Variants in MAD1L1 observed in about 807,000 individuals in gnomAD.
MAD1L1 encodes mitotic spindle assembly checkpoint protein MAD1.
MAD1L1 carries 95 observed loss-of-function variants against 96.9 expected under a neutral mutation model. The ratio of observed to expected loss-of-function variants is 0.98; its 90% CI spans 0.83 to 1.16. MAD1L1 has a LOEUF of 1.16. MAD1L1 is among the 50% of genes most tolerant of loss of function. The pLI, the probability that MAD1L1 is intolerant of heterozygous loss-of-function variation, is 0.00. For synonymous variants in MAD1L1, 473 were observed against 396.6 expected (o/e 1.19, Z -2.29); for missense variants, 1,007 against 954.4 (o/e 1.06, Z -0.73).
intron 10 of MAD1L1, among the ~76,000 whole-genome samples, chr7:2,168,261 G>A (rs1184648078): frequency 2.6e-5 from 4 of 151,966 alleles, no homozygotes; most frequent in Admixed American, 2.6e-4. Flanking sequence ...CTCCAACCTG[G>A]GTGACAGAGC....
At chr7:2,121,884 C>T (rs1787999112) in intron 11 of MAD1L1, among the ~76,000 whole-genome samples, 1 of 152,190 alleles carries the variant, frequency 6.6e-6, no homozygotes, top group South Asian at 2.1e-4. Flanking sequence ...GAACACAGAC[C>T]CGTGCAGCAG....
At chr7:2,011,021 G>C (rs530012066) in intron 13 of MAD1L1, among the ~76,000 whole-genome samples, 1 of 152,220 alleles carries the variant, frequency 6.6e-6, no homozygotes, top group Non-Finnish European at 1.5e-5. Context: ...GAAACAGAAA[G>C]AAAAGAAAAA....
chr7:1,847,539 C>T, intron 18 of MAD1L1: 1 of 471,114 alleles, frequency 2.1e-6, no homozygotes, highest in Middle Eastern at 3.2e-4. Context: ...GAGACCAGAC[C>T]AGTCCTGGCA....
intron 15 of MAD1L1, among the ~76,000 whole-genome samples, chr7:1,971,394 A>T (rs1780399538): frequency 6.6e-6 from 1 of 152,162 alleles, no homozygotes; most frequent in African/African-American, 2.4e-5. Flanking sequence ...CTTCATTCTC[A>T]CTAGGTGAAA....
intron 12 of MAD1L1, among the ~76,000 whole-genome samples, chr7:2,046,142 G>T (rs1309991906): frequency 6.6e-6 from 1 of 152,128 alleles, no homozygotes; most frequent in Non-Finnish European, 1.5e-5. Context: ...CCTGGGATGC[G>T]GGTGGTGGCG....
At chr7:1,864,849 G>A (rs1168391210) in intron 18 of MAD1L1, among the ~76,000 whole-genome samples, 1 of 152,066 alleles carries the variant, frequency 6.6e-6, no homozygotes, top group Non-Finnish European at 1.5e-5. Flanking sequence ...AGCTCCCCTC[G>A]ACTTCTGCCA....
At chr7:1,867,567 C>T (rs1021260697) in intron 18 of MAD1L1, among the ~76,000 whole-genome samples, 2 of 152,230 alleles carry the variant, frequency 1.3e-5, no homozygotes, top group Non-Finnish European at 2.9e-5. Flanking sequence ...GGCCATGGGG[C>T]GCGGAGGCTT....
intron 11 of MAD1L1, among the ~76,000 whole-genome samples, chr7:2,136,750 T>C (rs539795115): frequency 4.6e-5 from 7 of 152,282 alleles, no homozygotes; most frequent in Admixed American, 1.3e-4. Flanking sequence ...TTTTATGTTC[T>C]GCCAAACAAG....
At chr7:2,168,382 G>C (rs1314319620) in intron 10 of MAD1L1, among the ~76,000 whole-genome samples, 1 of 152,202 alleles carries the variant, frequency 6.6e-6, no homozygotes, top group Non-Finnish European at 1.5e-5. Flanking sequence ...TTAACGAACA[G>C]AAACTCAGAA....
intron 15 of MAD1L1, among the ~76,000 whole-genome samples, chr7:1,958,100 G>A (rs1394379207): frequency 6.6e-6 from 1 of 152,230 alleles, no homozygotes; most frequent in African/African-American, 2.4e-5. Flanking sequence ...GACACTGAGG[G>A]ACAGGAAAGC....
intron 12 of MAD1L1, among the ~76,000 whole-genome samples, chr7:2,056,184 C>T (rs937052860): frequency 6.6e-6 from 1 of 152,194 alleles, no homozygotes; most frequent in East Asian, 1.9e-4. Flanking sequence ...GAGGATGATG[C>T]TTTCCAGATG....
intron 17 of MAD1L1, among the ~76,000 whole-genome samples, chr7:1,913,476 AG>A (rs1246041211): frequency 1.4e-5 from 2 of 142,828 alleles, no homozygotes; most frequent in Admixed American, 6.9e-5. Context: ...CTGAGGCCAA[AG>A]GCTTTACCTT....
intron 17 of MAD1L1, among the ~76,000 whole-genome samples, chr7:1,929,507 C>A (rs898330794): frequency 6.6e-6 from 1 of 152,110 alleles, no homozygotes; most frequent in African/African-American, 2.4e-5. Context: ...TTAGTGACTG[C>A]CTTGTCAAAG....
rs559248974 is a variant in MAD1L1 at position 1,863,234 on chromosome 7, C to A, written c.1998+34966G>T. ...AAGACGGGGTTAGCGGAGCCCAGGG[C>A]GGGGTGAATGCCGGGTGCGGCTCAT... On this transcript the variant is annotated intron_variant, in intron 18 of 18. Coordinates refer to ENST00000265854, the MANE Select transcript of MAD1L1 (RefSeq NM_001013836.2). 2.6e-5 allele frequency among the ~76,000 whole-genome samples: 4 copies of A among 152,242 alleles called. No homozygotes were observed. In the South Asian group the frequency reaches 8.3e-4, roughly 32 times the overall value.
chr7:1,993,504 T>TA lies in MAD1L1; in HGVS notation c.1416+8560dup, dbSNP rs565901931. Among the ~76,000 whole-genome samples the TA allele has an allele frequency of 1.3e-4, 20 of 152,346 alleles. No individual in the cohort carries two copies. The East Asian group carries it at 3.9e-3, about 29-fold the overall frequency. On this transcript the variant is annotated intron_variant, in intron 14 of 18. Transcript: ENST00000265854. ...TATCAGACACACTCTGAGGCTCTGC[T>TA]AGCTCACACACTGTGGCACTGGCCC... is the stretch of plus-strand genomic sequence containing the variant.
chr7:2,086,944 T>C (rs1380389064), intron 11 of MAD1L1, among the ~76,000 whole-genome samples: 1 of 151,920 alleles, frequency 6.6e-6, no homozygotes, highest in Non-Finnish European at 1.5e-5. Flanking sequence ...ATCCTAAGAG[T>C]TACAAGCTGA....
rs550899144 is a variant in MAD1L1 at position 2,190,038 on chromosome 7, G to T, written c.986+23174C>A. Among the ~76,000 whole-genome samples, 35 of 152,070 alleles carry T rather than the reference G, an allele frequency of 2.3e-4. 1 individual carries two copies. The South Asian group carries it at 5.8e-3, about 25-fold the overall frequency. ...ATAAACGAAATAAAAAGTAAATGGGGGGAAAGAAAACAAACTGAAAGCTAA... is the reference window on the plus strand; with the variant it reads ...ATAAACGAAATAAAAAGTAAATGGGTGGAAAGAAAACAAACTGAAAGCTAA... On this transcript the variant is annotated intron_variant, in intron 10 of 18. Coordinates refer to ENST00000265854, the MANE Select transcript of MAD1L1 (RefSeq NM_001013836.2).
At chr7:1,909,154 G>A (rs1307202054) in intron 17 of MAD1L1, among the ~76,000 whole-genome samples, 1 of 152,312 alleles carries the variant, frequency 6.6e-6, no homozygotes, top group Non-Finnish European at 1.5e-5. Context: ...GTGACGCAGA[G>A]GCCTCCACAT....
intron 18 of MAD1L1, among the ~76,000 whole-genome samples, chr7:1,890,850 T>G (rs1352814949): frequency 6.6e-6 from 1 of 152,244 alleles, no homozygotes; most frequent in Admixed American, 6.5e-5. Flanking sequence ...GTCTGGACCC[T>G]GTCTGACGCC....
Sources: gnomAD v4.1 joint callset for allele counts (sites outside exome capture counted in the v4.1 genomes callset) on GRCh38, gnomAD v4.1.1 for gene constraint, MANE v1.5 for transcripts, NCBI Gene and HGNC (gene_info 2026-07-23, HGNC 2026-07-21) for gene names.